Variants in STK32B observed in about 807,000 individuals in gnomAD.
The protein encoded by STK32B is serine/threonine kinase 32B, also known as serine/threonine-protein kinase 32B.
Under a neutral mutation model 52.6 loss-of-function variants are expected in STK32B, and 43 were observed. That is an observed-to-expected ratio of 0.82 (90% CI 0.64 to 1.05). The LOEUF is 1.05. Among genes scored for constraint, STK32B ranks in the 50% least tolerant of loss-of-function variants. STK32B has a pLI of 0.00. For missense variants in STK32B, 621 were observed against 534.6 expected (o/e 1.16, Z -1.59); for synonymous variants, 238 against 204.3 (o/e 1.17, Z -1.41).
chr4:5,044,636 C>T, the STK32B span, among the ~76,000 whole-genome samples: 8 of 152,160 alleles, frequency 5.3e-5, no homozygotes, highest in South Asian at 2.1e-4. Context: ...TTGGGCATGC[C>T]GGCTCATGCC....
At chr4:5,334,991 T>C (rs1375071113) in intron 4 of STK32B, among the ~76,000 whole-genome samples, 1 of 152,118 alleles carries the variant, frequency 6.6e-6, no homozygotes, top group Non-Finnish European at 1.5e-5. Context: ...GCTGGCCTCA[T>C]AAAATGAGTT....
intron 6 of STK32B, among the ~76,000 whole-genome samples, chr4:5,441,882 A>C (rs1455356671): frequency 6.0e-5 from 8 of 134,110 alleles, no homozygotes; most frequent in Non-Finnish European, 9.4e-5. Context: ...ATTCAGGAGC[A>C]GGTTGTTCAG....
At position 5,439,988 on chromosome 4, in the gene STK32B, G is replaced by T. The variant is rs140113673; in HGVS notation, c.563-6685G>T. Among the ~76,000 whole-genome samples, 715 of 152,306 alleles carry T rather than the reference G, an allele frequency of 4.7e-3. 19 individuals carry two copies. In the East Asian group the frequency reaches 0.069, roughly 15 times the overall value. ...ATCTCTGTTTTGGTACAAGTACCATGCTGTTTTGGTTACTGTAGTCTTGTA... is the reference window on the plus strand; with the variant it reads ...ATCTCTGTTTTGGTACAAGTACCATTCTGTTTTGGTTACTGTAGTCTTGTA... On this transcript the variant is annotated intron_variant, in intron 6 of 11. Coordinates refer to ENST00000282908, the MANE Select transcript of STK32B (RefSeq NM_018401.3).
upstream of STK32B, among the ~76,000 whole-genome samples, chr4:5,049,559 G>T (rs1741682401): frequency 6.6e-6 from 1 of 152,184 alleles, no homozygotes; most frequent in Non-Finnish European, 1.5e-5. Context: ...GGGTCACAAG[G>T]TGCTCAGTCG....
At chr4:5,355,423 C>T (rs970496696) in intron 4 of STK32B, among the ~76,000 whole-genome samples, 2 of 152,118 alleles carry the variant, frequency 1.3e-5, no homozygotes, top group Non-Finnish European at 2.9e-5. Flanking sequence ...ATGTTTTCTA[C>T]CTCTCTTCTT....
chr4:5,384,721 G>C (rs1305852397), intron 4 of STK32B, among the ~76,000 whole-genome samples: 1 of 152,186 alleles, frequency 6.6e-6, no homozygotes, highest in East Asian at 1.9e-4. Context: ...GGGGAAGTCG[G>C]TGATGACCCT....
chr4:5,187,775 G>C (rs1233795799), intron 3 of STK32B, among the ~76,000 whole-genome samples: 1 of 152,100 alleles, frequency 6.6e-6, no homozygotes, highest in East Asian at 1.9e-4. Context: ...GCCGGCTCCC[G>C]CACAACTCTG....
At chr4:5,368,795 G>A (rs952482017) in intron 4 of STK32B, among the ~76,000 whole-genome samples, 1 of 152,188 alleles carries the variant, frequency 6.6e-6, no homozygotes, top group African/African-American at 2.4e-5. Flanking sequence ...CTTGCCTGGG[G>A]ACACTGTGCA....
intron 6 of STK32B, among the ~76,000 whole-genome samples, chr4:5,427,961 C>T (rs560589504): frequency 6.6e-6 from 1 of 151,512 alleles, no homozygotes; most frequent in East Asian, 1.9e-4. Context: ...ATTTATTCTT[C>T]TTATTCTAGT....
the STK32B span, among the ~76,000 whole-genome samples, chr4:5,040,082 A>G: frequency 6.6e-6 from 1 of 152,136 alleles, no homozygotes; most frequent in African/African-American, 2.4e-5. Flanking sequence ...GTGGTAGGAG[A>G]TGCGGTCGGT....
At chr4:5,463,937 G>A (rs543571128) in intron 9 of STK32B, among the ~76,000 whole-genome samples, 2 of 152,302 alleles carry the variant, frequency 1.3e-5, no homozygotes, top group Admixed American at 1.3e-4. Context: ...AACTGAGGTT[G>A]GGTAATTTAT....
intron 4 of STK32B, among the ~76,000 whole-genome samples, chr4:5,335,220 C>G (rs376734353): frequency 1.1e-4 from 17 of 152,180 alleles, no homozygotes; most frequent in African/African-American, 4.1e-4. Context: ...GTGTATGTGT[C>G]GAGGAATTTA....
rs1718605958 is a variant in STK32B at position 5,480,569 on chromosome 4, T to C, written c.1106+12499T>C. 2.6e-5 allele frequency among the ~76,000 whole-genome samples: 4 copies of C among 152,290 alleles called. No individual in the cohort carries two copies. In the Middle Eastern group the frequency reaches 0.014, roughly 518 times the overall value. On this transcript the variant is annotated intron_variant, in intron 11 of 11. Coordinates refer to ENST00000282908, the MANE Select transcript of STK32B (RefSeq NM_018401.3). ...ATGTTTAGGTTAAGATAAAGGATTG[T>C]GGAGACCACGTTTTTTTTTTCTTTC...
intron 2 of STK32B, among the ~76,000 whole-genome samples, chr4:5,158,742 G>C (rs1359310571): frequency 6.6e-6 from 1 of 152,074 alleles, no homozygotes; most frequent in Non-Finnish European, 1.5e-5. Flanking sequence ...TCTTCTCCCT[G>C]CGTCCTCACA....
chr4:5,496,908 T>C (rs1229979590), intron 11 of STK32B, among the ~76,000 whole-genome samples: 1 of 152,110 alleles, frequency 6.6e-6, no homozygotes, highest in Non-Finnish European at 1.5e-5. Flanking sequence ...TAAGGAGTTT[T>C]AGAGAAGTTT....
At chr4:5,128,780 ATC>A (rs974132996) in intron 1 of STK32B, among the ~76,000 whole-genome samples, 7 of 152,196 alleles carry the variant, frequency 4.6e-5, no homozygotes, top group Non-Finnish European at 7.4e-5. Context: ...CAGGAGCTGA[ATC>A]TCTCTCTGGC....
chr4:5,035,761 G>A, the STK32B span, among the ~76,000 whole-genome samples: 2 of 152,070 alleles, frequency 1.3e-5, no homozygotes, highest in African/African-American at 2.4e-5. Flanking sequence ...CATCAGAAAT[G>A]CAAATTAAAG....
chr4:5,292,506 AT>A (rs2108885331), intron 3 of STK32B, among the ~76,000 whole-genome samples: 1 of 150,054 alleles, frequency 6.7e-6, no homozygotes, highest in South Asian at 2.1e-4. Context: ...TTTCTTGTTG[AT>A]TTGTTTCAGT....
At chr4:5,402,771 T>A (rs1468167453) in intron 5 of STK32B, among the ~76,000 whole-genome samples, 1 of 152,186 alleles carries the variant, frequency 6.6e-6, no homozygotes, top group African/African-American at 2.4e-5. Context: ...AAACAATTGA[T>A]GATGACCCGT....
Sources: gnomAD v4.1 joint callset for allele counts (sites outside exome capture counted in the v4.1 genomes callset) on GRCh38, gnomAD v4.1.1 for gene constraint, MANE v1.5 for transcripts, NCBI Gene and HGNC (gene_info 2026-07-23, HGNC 2026-07-21) for gene names.